Variants in PDCD1LG2 observed in about 807,000 individuals in gnomAD.
PDCD1LG2 encodes the protein programmed cell death 1 ligand 2.
A neutral mutation model predicts 28.2 loss-of-function variants in PDCD1LG2; 32 were observed. The ratio of observed to expected loss-of-function variants is 1.13; its 90% confidence interval spans 0.86 to 1.52. PDCD1LG2 has a LOEUF of 1.52. Ranked by LOEUF, PDCD1LG2 falls within the 40% of genes most tolerant of loss-of-function variation. The probability of loss-of-function intolerance (pLI) is 0.00; values close to 1 mark genes in which losing one functional copy is unlikely to be tolerated. For synonymous variants in PDCD1LG2, 116 were observed against 120.2 expected (o/e 0.97, Z 0.23); for missense variants, 385 against 323.8 (o/e 1.19, Z -1.45).
chr9:5,543,330 G>A (rs7029602), intron 3 of PDCD1LG2, among the ~76,000 whole-genome samples: 16,941 of 152,028 alleles, frequency 0.11, 2,388 homozygotes, highest in African/African-American at 0.33. Flanking sequence ...ACGAGGTCAG[G>A]AGATCAAGAT....
rs145173206 is a variant in PDCD1LG2, at chr9:5,527,901, T to G, written c.55+5300T>G. Among the ~76,000 whole-genome samples the G allele has an allele frequency of 4.5e-4, 69 of 152,286 alleles. 1 individual carries two copies. In the Middle Eastern group the frequency reaches 0.014, roughly 30 times the overall value. On this transcript the variant is annotated intron_variant, in intron 2 of 6. Transcript: ENST00000397747. ...TAAAGTGCAATGCCGTGATCTTGGC[T>G]TACTGCAACCTCCGCCTCCCGGGTT...
At chr9:5,531,718 T>C (rs928910601) in intron 2 of PDCD1LG2, among the ~76,000 whole-genome samples, 1 of 152,210 alleles carries the variant, frequency 6.6e-6, no homozygotes, top group Non-Finnish European at 1.5e-5. Context: ...ATTTGCTAAA[T>C]AGATTCAACA....
intron 3 of PDCD1LG2, among the ~76,000 whole-genome samples, chr9:5,542,696 TGTG>T (rs1820709035): frequency 6.6e-6 from 1 of 152,134 alleles, no homozygotes; most frequent in South Asian, 2.1e-4. Flanking sequence ...TTGGCATGGA[TGTG>T]GTGAAAAGAA....
chr9:5,527,986 G>A (rs1293746444), intron 2 of PDCD1LG2, among the ~76,000 whole-genome samples: 1 of 151,728 alleles, frequency 6.6e-6, no homozygotes, highest in Non-Finnish European at 1.5e-5. Context: ...CCACCACCAT[G>A]CCCTTCTTTT....
chr9:5,527,558 T>A (rs1346351555), intron 2 of PDCD1LG2, among the ~76,000 whole-genome samples: 1 of 152,256 alleles, frequency 6.6e-6, no homozygotes, highest in Non-Finnish European at 1.5e-5. Context: ...ATTCCCCAAT[T>A]GGGGCACATT....
rs1820296134 is a variant in PDCD1LG2, at chr9:5,522,570, G to A, written c.24G>A (p.Leu8=). MIFLLLM[L]SLELQLHQIA... is the part of the protein sequence containing the mutation. The stretch of plus-strand genomic sequence containing the variant: ...ACATGATCTTCCTCCTGCTAATGTT[G>A]AGCCTGGAATTGCAGCTTCACCAGA... Residue 8 remains leucine, a synonymous_variant, in exon 2 of 7, where the codon TTG becomes TTA. Transcript: ENST00000397747. 1 of 1,613,614 alleles carries A rather than the reference G, an allele frequency of 6.2e-7. No homozygotes were observed. Among genetic ancestry groups the A allele is most frequent in the South Asian group, 1.1e-5 (1 of 91,030 alleles).
chr9:5,559,459 G>C (rs1816514510), intron 5 of PDCD1LG2, among the ~76,000 whole-genome samples: 1 of 152,180 alleles, frequency 6.6e-6, no homozygotes, highest in South Asian at 2.1e-4. Flanking sequence ...TGCAGACAGA[G>C]CTTTAAACCA....
At chr9:5,519,582 A>G (rs180818534) in intron 1 of PDCD1LG2, among the ~76,000 whole-genome samples, 189 of 152,170 alleles carry the variant, frequency 1.2e-3, no homozygotes, top group Non-Finnish European at 2.6e-3. Flanking sequence ...GTCCTTGGGC[A>G]CTCTCTTTCC....
In PDCD1LG2 at chr9:5,517,046, C is replaced by G. The variant is rs187445193; in HGVS notation, c.-14-5487C>G. On this transcript the variant is annotated intron_variant, in intron 1 of 6. Coordinates refer to ENST00000397747, the MANE Select transcript of PDCD1LG2 (RefSeq NM_025239.4). ...CCTCCACTGCTGCAGCTGCTCTAAA[C>G]GGGCAGCTGCTGCCATCACTGTGAG... Among the ~76,000 whole-genome samples the G allele has an allele frequency of 3.3e-3, 506 of 152,312 alleles. 3 individuals carry two copies. The highest frequency in any genetic ancestry group is 0.026 in the East Asian group (137 of 5,186).
rs1000921648 is a variant in PDCD1LG2, at chr9:5,571,280, G to T, written c.*1321G>T. 1 of 228,664 alleles carries T rather than the reference G, an allele frequency of 4.4e-6. No individual in the cohort carries two copies. The highest frequency in any genetic ancestry group is 8.7e-6 in the Non-Finnish European group (1 of 115,254). The allele number at this position is 228,664 out of a possible 1,614,324, so 14.2% of individuals were successfully genotyped here. A position where few individuals can be genotyped will look rare whatever the true frequency, so the allele number is the denominator to read the frequency against. ...CGTTCTTTATATATTCTACTTTTGG[G>T]TAAGAGGTTTGCTCAGGGTCTTGCA... On this transcript the variant is annotated 3_prime_UTR_variant, in exon 7 of 7. Coordinates refer to ENST00000397747, the MANE Select transcript of PDCD1LG2 (RefSeq NM_025239.4).
At position 5,571,155 on chromosome 9, in the gene PDCD1LG2, G is replaced by A. The variant is rs1473738078; in HGVS notation, c.*1196G>A. 2 of 232,724 alleles carry A rather than the reference G, an allele frequency of 8.6e-6. No homozygotes were observed. The highest frequency in any genetic ancestry group is 1.2e-4 in the East Asian group (2 of 16,510). The allele number at this position is 232,724 out of a possible 1,614,324, so 14.4% of individuals were successfully genotyped here. ...TTGGGGCTTATGAGAATGAAAGGGT[G>A]TGAAATTGACTAACAGACAAATCAT... On this transcript the variant is annotated 3_prime_UTR_variant, in exon 7 of 7. Coordinates refer to ENST00000397747, the MANE Select transcript of PDCD1LG2 (RefSeq NM_025239.4).
At position 5,539,791 on chromosome 9, in the gene PDCD1LG2, G is replaced by A. The variant is rs866258994; in HGVS notation, c.361+4741G>A. Among the ~76,000 whole-genome samples, 4 of 152,322 alleles carry A rather than the reference G, an allele frequency of 2.6e-5. 1 individual carries two copies. Among genetic ancestry groups the A allele is most frequent in the Middle Eastern group, 6.8e-3 (2 of 294 alleles). On this transcript the variant is annotated intron_variant, in intron 3 of 6. Transcript: ENST00000397747. ...CAAACCATCCTGAAGGCCTGGGCAGGGCAGGGGGATGGGAAGAGCCAACAC... is the reference window on the plus strand; with the variant it reads ...CAAACCATCCTGAAGGCCTGGGCAGAGCAGGGGGATGGGAAGAGCCAACAC...
chr9:5,563,266 G>A (rs1816602053), intron 6 of PDCD1LG2, 55 bp downstream of exon 6: 1 of 1,412,926 alleles, frequency 7.1e-7, no homozygotes, highest in Non-Finnish European at 9.9e-7. Flanking sequence ...CTCTCAGCTT[G>A]AATTTTAAAG....
At chr9:5,511,494 A>G (rs1298504052) in intron 1 of PDCD1LG2, among the ~76,000 whole-genome samples, 1 of 152,242 alleles carries the variant, frequency 6.6e-6, no homozygotes, top group Non-Finnish European at 1.5e-5. Context: ...TGGAGAGGCT[A>G]AGCCTGAGTG....
intron 3 of PDCD1LG2, among the ~76,000 whole-genome samples, chr9:5,540,733 CA>C (rs147292282): frequency 2.7e-5 from 4 of 150,734 alleles, no homozygotes; most frequent in Admixed American, 6.6e-5. Flanking sequence ...AAATTGTCAA[CA>C]AAAAAAAATC....
At chr9:5,559,482 T>G (rs1816515069) in intron 5 of PDCD1LG2, among the ~76,000 whole-genome samples, 1 of 152,202 alleles carries the variant, frequency 6.6e-6, no homozygotes, top group South Asian at 2.1e-4. Flanking sequence ...GTCAGAGGGC[T>G]AGGCTGGGAC....
At chr9:5,540,838 A>C (rs567374885) in intron 3 of PDCD1LG2, among the ~76,000 whole-genome samples, 1 of 152,324 alleles carries the variant, frequency 6.6e-6, no homozygotes, top group East Asian at 1.9e-4. Context: ...ATAGAGAAAG[A>C]GGGAATCCTC....
At chr9:5,534,512 C>G (rs1280760031) in intron 2 of PDCD1LG2, among the ~76,000 whole-genome samples, 7 of 152,144 alleles carry the variant, frequency 4.6e-5, no homozygotes, top group Non-Finnish European at 1.0e-4. Context: ...GGGCAGTCAG[C>G]TGCACAGGAG....
chr9:5,568,382 G>A (rs917831196), intron 6 of PDCD1LG2, among the ~76,000 whole-genome samples: 8 of 152,144 alleles, frequency 5.3e-5, no homozygotes, highest in South Asian at 4.1e-4. Context: ...TCATAGAAGC[G>A]TGAATCCTAT....
Sources: allele counts gnomAD v4.1 joint callset (sites outside exome capture counted in the v4.1 genomes callset), GRCh38; gene constraint gnomAD v4.1.1; transcripts MANE v1.5; gene names NCBI Gene and HGNC (gene_info 2026-07-23, HGNC 2026-07-21).